The following TOM1L2 variants were observed in gnomAD, a reference collection of about 807,000 sequenced individuals.
The protein encoded by TOM1L2 is target of myb1 like 2 membrane trafficking protein, also known as TOM1-like protein 2.
TOM1L2 carries 31 observed loss-of-function variants against 67.9 expected under a neutral mutation model. The observed-to-expected ratio is 0.46, with a 90% CI of 0.34 to 0.62. TOM1L2 has a LOEUF of 0.62. Ranked by LOEUF, TOM1L2 falls within the 20% of genes least tolerant of loss-of-function variation. TOM1L2 has a pLI of 0.01. For synonymous variants in TOM1L2, 256 were observed against 254.0 expected (o/e 1.01, Z -0.07); for missense variants, 606 against 663.5 (o/e 0.91, Z 0.95).
In TOM1L2 at chr17:17,972,342, G is replaced by A. The variant is rs2042146159; in HGVS notation, c.-29C>T. 4.5e-6 allele frequency: 7 copies of A among 1,548,932 alleles called. No homozygotes were observed. The highest frequency in any genetic ancestry group is 6.1e-6 in the Non-Finnish European group (7 of 1,146,936). ...GGGTGGACAACACGCAGCGGCCCGGGCCCCCTGTCTGCCACCTAGGCCTCC... is the reference window on the plus strand; with the variant it reads ...GGGTGGACAACACGCAGCGGCCCGGACCCCCTGTCTGCCACCTAGGCCTCC... On this transcript the variant is annotated 5_prime_UTR_variant, in exon 1 of 15. Transcript: ENST00000379504.
At chr17:17,947,901 A>AT (rs963946515) in intron 1 of TOM1L2, among the ~76,000 whole-genome samples, 9 of 151,366 alleles carry the variant, frequency 5.9e-5, no homozygotes, top group Non-Finnish European at 8.8e-5. Context: ...TCTTTGTTCT[A>AT]TTTTTTTTTA....
chr17:17,924,135 T>G (rs1325781780), intron 1 of TOM1L2, among the ~76,000 whole-genome samples: 2 of 151,796 alleles, frequency 1.3e-5, no homozygotes, highest in Non-Finnish European at 2.9e-5. Flanking sequence ...AGACTCTGTC[T>G]CAAACAAAAA....
At chr17:17,873,001 C>T (rs1169736409) in intron 7 of TOM1L2, among the ~76,000 whole-genome samples, 3 of 152,218 alleles carry the variant, frequency 2.0e-5, no homozygotes, top group African/African-American at 7.2e-5. Context: ...GGTATCAGCA[C>T]CTAAGGCCCA....
At chr17:17,935,774 T>C (rs1181021009) in intron 1 of TOM1L2, among the ~76,000 whole-genome samples, 1 of 152,174 alleles carries the variant, frequency 6.6e-6, no homozygotes, top group Non-Finnish European at 1.5e-5. Flanking sequence ...AGTGATGAAA[T>C]ACAGTTGGCA....
intron 1 of TOM1L2, among the ~76,000 whole-genome samples, chr17:17,930,527 T>C (rs1236644744): frequency 6.6e-6 from 1 of 152,134 alleles, no homozygotes; most frequent in Non-Finnish European, 1.5e-5. Context: ...TAAAATACCC[T>C]TCCCCAGCAG....
intron 1 of TOM1L2, among the ~76,000 whole-genome samples, chr17:17,965,507 C>G (rs1264525614): frequency 2.6e-5 from 4 of 152,204 alleles, no homozygotes; most frequent in Non-Finnish European, 5.9e-5. Context: ...GACACCACCT[C>G]CTCAGAGTTT....
At chr17:17,898,208 G>C (rs2038672600) in intron 3 of TOM1L2, among the ~76,000 whole-genome samples, 1 of 152,124 alleles carries the variant, frequency 6.6e-6, no homozygotes, top group Non-Finnish European at 1.5e-5. Context: ...ACAGGTGTGA[G>C]TCACCGCGCC....
chr17:17,952,923 A>T (rs775313323), intron 1 of TOM1L2, among the ~76,000 whole-genome samples: 6 of 152,138 alleles, frequency 3.9e-5, no homozygotes, highest in Non-Finnish European at 8.8e-5. Flanking sequence ...CTGACAGAAC[A>T]GGAAGGTTGA....
chr17:17,860,229 C>T (rs34332120), intron 12 of TOM1L2, among the ~76,000 whole-genome samples: 9 of 152,226 alleles, frequency 5.9e-5, no homozygotes, highest in East Asian at 1.9e-4. Flanking sequence ...CTAATGCCCA[C>T]GCTGGGGCAG....
chr17:17,947,892 C>A (rs1472536419), intron 1 of TOM1L2, among the ~76,000 whole-genome samples: 1 of 151,968 alleles, frequency 6.6e-6, no homozygotes, highest in Non-Finnish European at 1.5e-5. Context: ...AAAGAAAAAT[C>A]TTTGTTCTAT....
At chr17:17,884,790 T>C (rs748838950) in intron 4 of TOM1L2, 22 bp from the exon 5 acceptor site, 4 of 1,612,348 alleles carry the variant, frequency 2.5e-6, no homozygotes, top group Non-Finnish European at 3.4e-6. Flanking sequence ...GAAGGCCTGT[T>C]AGGAAGCATT....
At chr17:17,908,019 T>C (rs1290894408) in intron 1 of TOM1L2, among the ~76,000 whole-genome samples, 1 of 152,216 alleles carries the variant, frequency 6.6e-6, no homozygotes, top group Non-Finnish European at 1.5e-5. Context: ...ACACAGTCAG[T>C]ACTATACAGG....
intron 1 of TOM1L2, among the ~76,000 whole-genome samples, chr17:17,953,202 C>A (rs922834820): frequency 2.0e-5 from 3 of 152,162 alleles, no homozygotes; most frequent in African/African-American, 7.2e-5. Context: ...ACTGCTTGAA[C>A]TGGGGAGGCA....
At chr17:17,965,330 C>T (rs1286893109) in intron 1 of TOM1L2, among the ~76,000 whole-genome samples, 1 of 152,188 alleles carries the variant, frequency 6.6e-6, no homozygotes, top group East Asian at 1.9e-4. Flanking sequence ...TTCCCAGTCT[C>T]ACCCCCTATC....
At chr17:17,863,676 G>A (rs1384099802) in intron 10 of TOM1L2, among the ~76,000 whole-genome samples, 3 of 150,850 alleles carry the variant, frequency 2.0e-5, no homozygotes, top group Non-Finnish European at 4.4e-5. Flanking sequence ...GGCCTCCCAA[G>A]TAGCTAGGAC....
intron 1 of TOM1L2, among the ~76,000 whole-genome samples, chr17:17,923,928 G>A (rs2039984065): frequency 6.6e-6 from 1 of 151,850 alleles, no homozygotes; most frequent in African/African-American, 2.4e-5. Flanking sequence ...ATAAGGTCAG[G>A]AGTTTGAGAC....
At chr17:17,972,214 G>C in intron 1 of TOM1L2, 48 bp downstream of exon 1, 1 of 1,547,522 alleles carries the variant, frequency 6.5e-7, no homozygotes, top group Non-Finnish European at 8.7e-7. Context: ...TCACCAGCCG[G>C]ATCAGCGGCC....
chr17:17,966,077 C>T (rs34434158), intron 1 of TOM1L2, among the ~76,000 whole-genome samples: 6,261 of 152,116 alleles, frequency 0.041, 132 homozygotes, highest in African/African-American at 0.053. Context: ...GCTGAGATCG[C>T]GCCACTGCAC....
At chr17:17,854,395 G>A (rs935350129) in intron 12 of TOM1L2, among the ~76,000 whole-genome samples, 7 of 152,184 alleles carry the variant, frequency 4.6e-5, no homozygotes, top group Non-Finnish European at 7.3e-5. Flanking sequence ...AAGACACCAG[G>A]CCCTTAGGAG....
Sources: allele counts gnomAD v4.1 joint callset (sites outside exome capture counted in the v4.1 genomes callset), GRCh38; gene constraint gnomAD v4.1.1; transcripts MANE v1.5; gene names NCBI Gene and HGNC (gene_info 2026-07-23, HGNC 2026-07-21).